Variants in MN1 observed in about 807,000 individuals in gnomAD.
MN1 encodes the protein MN1 proto-oncogene, transcriptional regulator.
In MN1, 19 loss-of-function variants were observed where a neutral mutation model predicts 86.9. The observed-to-expected ratio is 0.22, with a 90% CI of 0.15 to 0.32. MN1 has a LOEUF of 0.32. Among genes scored for constraint, MN1 ranks in the 10% least tolerant of loss-of-function variants. The pLI, the probability that MN1 is intolerant of heterozygous loss-of-function variation, is 1.00. For missense variants in MN1, 1,841 were observed against 1,862.0 expected, an observed-to-expected ratio of 0.99 and a Z score of 0.21; for synonymous variants, 928 against 849.6, an observed-to-expected ratio of 1.09 and a Z score of -1.60.
At position 27,790,958 on chromosome 22, in the gene MN1, C is replaced by G. The variant is rs182483203; in HGVS notation, c.3781+5805G>C. 9.6e-4 allele frequency among the ~76,000 whole-genome samples: 146 copies of G among 152,282 alleles called. 1 individual carries two copies. Among genetic ancestry groups the G allele is most frequent in the Non-Finnish European group, 1.2e-4 (8 of 68,020 alleles). On this transcript the variant is annotated intron_variant, in intron 1 of 1. Coordinates refer to ENST00000302326, the MANE Select transcript of MN1 (RefSeq NM_002430.3). ...ACGCTCATTCAGTCCTTTACAGAAT[C>G]AGAACCTGTCAGCTAAGGCCATTGA... is the stretch of plus-strand genomic sequence containing the variant.
chr22:27,761,475 C>T (rs1932834857), intron 1 of MN1, among the ~76,000 whole-genome samples: 1 of 151,834 alleles, frequency 6.6e-6, no homozygotes, highest in Admixed American at 6.6e-5. Context: ...ATGAGAACTT[C>T]CCAGGGTGAC....
In MN1 at chr22:27,800,978, G is replaced by A. The variant is rs1159057515; in HGVS notation, c.-435C>T. On this transcript the variant is annotated 5_prime_UTR_variant, in exon 1 of 2. Transcript: ENST00000302326. ...GGGTCTGCTGGGGAGCCCTCAGGAC[G>A]CCGCCCGCAGCCTCCCGGAGTCCGT... The A allele has an allele frequency of 1.3e-5, 4 of 299,834 alleles. No individual in the cohort carries two copies. The highest frequency in any genetic ancestry group is 5.8e-5 in the South Asian group (1 of 17,170). The allele number at this position is 299,834 out of a possible 1,614,324, so 18.6% of individuals were successfully genotyped here. A position where few individuals can be genotyped will look rare whatever the true frequency, so the allele number is the denominator to read the frequency against.
rs561366930 is a variant in MN1, at chr22:27,797,384, C to G, written c.3160G>C (p.Ala1054Pro). Residue 1054 changes from alanine (A) to proline (P), a missense_variant, in exon 1 of 2, where the codon GCC becomes CCC. Coordinates refer to ENST00000302326, the MANE Select transcript of MN1 (RefSeq NM_002430.3). Reference protein sequence around the residue: ...FASDEVSTSYANEDEVSSSSD... With the variant: ...FASDEVSTSYPNEDEVSSSSD... Reference sequence around the variant, plus strand: ...CTGGACGACACCTCGTCCTCATTGGCGTAGCTCGTGCTCACCTCGTCCGAG... The same window carrying G: ...CTGGACGACACCTCGTCCTCATTGGGGTAGCTCGTGCTCACCTCGTCCGAG... 6.2e-7 allele frequency: 1 copy of G among 1,611,666 alleles called. No individual in the cohort carries two copies. Among genetic ancestry groups the G allele is most frequent in the East Asian group, 2.2e-5 (1 of 44,864 alleles).
Position 27,769,176 on chromosome 22 carries a change from A to G in MN1, c.3782-18080T>C, listed in dbSNP as rs914218078. Among the ~76,000 whole-genome samples the G allele has an allele frequency of 2.0e-5, 3 of 152,122 alleles. No homozygotes were observed. In the East Asian group the frequency reaches 5.8e-4, roughly 29 times the overall value. ...ACATATTTCACCTTAAGTCCATGGC[A>G]GACATTGCTAATCAACTGCAGCACT... On this transcript the variant is annotated intron_variant, in intron 1 of 1. Transcript: ENST00000302326.
intron 1 of MN1, among the ~76,000 whole-genome samples, chr22:27,787,981 G>C (rs575826226): frequency 1.3e-5 from 2 of 152,282 alleles, no homozygotes; most frequent in Non-Finnish European, 2.9e-5. Flanking sequence ...TGGGAGCCCC[G>C]AGCCCCACAG....
intron 1 of MN1, among the ~76,000 whole-genome samples, chr22:27,765,003 T>C (rs866172514): frequency 6.6e-6 from 1 of 152,234 alleles, no homozygotes; most frequent in Non-Finnish European, 1.5e-5. Flanking sequence ...ATTGTAAGCA[T>C]TGGGCAGAGT....
intron 1 of MN1, among the ~76,000 whole-genome samples, chr22:27,795,236 C>T (rs780124380): frequency 7.2e-5 from 11 of 151,930 alleles, no homozygotes; most frequent in South Asian, 4.2e-4. Flanking sequence ...GCAGTAACCG[C>T]GGAACAAAGA....
At chr22:27,778,746 G>A (rs1299673344) in intron 1 of MN1, among the ~76,000 whole-genome samples, 1 of 152,178 alleles carries the variant, frequency 6.6e-6, no homozygotes, top group Non-Finnish European at 1.5e-5. Flanking sequence ...CCAATGCCTA[G>A]CCATCAGGTG....
chr22:27,797,069 G>C lies in MN1; in HGVS notation c.3475C>G (p.Gln1159Glu), dbSNP rs764014470. Reference sequence around the variant, plus strand: ...AACTGCTGCCTCTGTAGCTGGATCTGCGCCTGAAGGATCTCCAGGGGGTGG... The same window carrying C: ...AACTGCTGCCTCTGTAGCTGGATCTCCGCCTGAAGGATCTCCAGGGGGTGG... ...EIHPLEILQA[Q>E]IQLQRQQFSI... is the part of the protein sequence containing the mutation. Residue 1159 changes from glutamine to glutamate, a missense_variant, in exon 1 of 2, where the codon CAG becomes GAG. By Grantham distance (29) the Gln-to-Glu change is conservative. Transcript: ENST00000302326. The C allele has an allele frequency of 1.2e-6, 2 of 1,611,884 alleles. No homozygotes were observed. The highest frequency in any genetic ancestry group is 2.2e-5 in the South Asian group (2 of 90,852).
At chr22:27,774,315 C>T (rs1932948987) in intron 1 of MN1, among the ~76,000 whole-genome samples, 1 of 152,192 alleles carries the variant, frequency 6.6e-6, no homozygotes. Flanking sequence ...AGCCATGAAG[C>T]AAATCTCCCT....
chr22:27,768,501 G>A (rs760571271), intron 1 of MN1, among the ~76,000 whole-genome samples: 1 of 152,164 alleles, frequency 6.6e-6, no homozygotes, highest in Non-Finnish European at 1.5e-5. Flanking sequence ...TTTTACCCAA[G>A]GACCCACCCA....
At position 27,801,252 on chromosome 22, in the gene MN1, G is replaced by A. The variant is rs2146319407; in HGVS notation, c.-709C>T. ...CCGGCCCCCGAGCCGAGGACGCAGA[G>A]GGGCTGCGAGGCGGCAGGCGCCGGG... On this transcript the variant is annotated 5_prime_UTR_variant, in exon 1 of 2. Transcript: ENST00000302326. 9.0e-6 allele frequency: 2 copies of A among 221,612 alleles called. No individual in the cohort carries two copies. The highest frequency in any genetic ancestry group is 9.1e-6 in the Non-Finnish European group (1 of 110,424). 13.7% of individuals were successfully genotyped at this position (221,612 alleles called of 1,614,324 possible). A position where few individuals can be genotyped will look rare whatever the true frequency, so the allele number is the denominator to read the frequency against.
intron 1 of MN1, among the ~76,000 whole-genome samples, chr22:27,778,043 C>A (rs540899631): frequency 6.6e-6 from 1 of 152,046 alleles, no homozygotes; most frequent in Non-Finnish European, 1.5e-5. Context: ...GGTAACTGCC[C>A]GTGGAGAACC....
Position 27,799,144 on chromosome 22 carries a change from A to G in MN1, c.1400T>C (p.Val467Ala), listed in dbSNP as rs763196629. ...PRFDFPGSAG[V>A]DRCASWNGSM... ...GCCGTTCCACGAAGCGCAGCGGTCC[A>G]CTCCCGCGCTGCCCGGAAAGTCGAA... Residue 467 changes from valine (V) to alanine (A), a missense_variant, in exon 1 of 2, where the codon GTG becomes GCG. Physicochemically the swap from Val to Ala is moderately conservative, Grantham distance 64 (BLOSUM62 0). Transcript: ENST00000302326. The G allele has an allele frequency of 6.2e-7, 1 of 1,604,332 alleles. No homozygotes were observed. The highest frequency in any genetic ancestry group is 8.5e-7 in the Non-Finnish European group (1 of 1,173,136).
intron 1 of MN1, among the ~76,000 whole-genome samples, chr22:27,770,948 C>T (rs1315015006): frequency 6.6e-6 from 1 of 152,092 alleles, no homozygotes; most frequent in African/African-American, 2.4e-5. Context: ...GCGGGAGCCA[C>T]CACATCCAGC....
At chr22:27,787,050 G>A (rs188023521) in intron 1 of MN1, among the ~76,000 whole-genome samples, 1 of 152,298 alleles carries the variant, frequency 6.6e-6, no homozygotes, top group East Asian at 1.9e-4. Context: ...CAAACTGAAC[G>A]AGGCCAAAAC....
intron 1 of MN1, among the ~76,000 whole-genome samples, chr22:27,796,396 A>G (rs1027000520): frequency 6.6e-6 from 1 of 150,920 alleles, no homozygotes; most frequent in Non-Finnish European, 1.5e-5. Flanking sequence ...AGCCAGCCTC[A>G]ATGTTGAGGG....
chr22:27,799,081 G>A lies in MN1; in HGVS notation c.1463C>T (p.Pro488Leu). 1 of 1,608,174 alleles carries A rather than the reference G, an allele frequency of 6.2e-7. No individual in the cohort carries two copies. The highest frequency in any genetic ancestry group is 8.5e-7 in the Non-Finnish European group (1 of 1,176,130). Residue 488 changes from proline to leucine, a missense_variant, in exon 1 of 2, where the codon CCT becomes CTT. Coordinates refer to ENST00000302326, the MANE Select transcript of MN1 (RefSeq NM_002430.3). ...GCCGGGTAGGCCTGGGTAGGCGGAA[G>A]GGGAGAGGTGATTATCCAGAGCGCC... ...HNGALDNHLS[P>L]SAYPGLPGEF... is the part of the protein sequence containing the mutation.
At chr22:27,769,273 C>T (rs905017407) in intron 1 of MN1, among the ~76,000 whole-genome samples, 2 of 152,140 alleles carry the variant, frequency 1.3e-5, no homozygotes, top group African/African-American at 4.8e-5. Flanking sequence ...CAGATTAGCA[C>T]TTGATATTGA....
Sources: gnomAD v4.1 joint callset for allele counts (sites outside exome capture counted in the v4.1 genomes callset) on GRCh38, gnomAD v4.1.1 for gene constraint, MANE v1.5 for transcripts, NCBI Gene and HGNC (gene_info 2026-07-23, HGNC 2026-07-21) for gene names.